Variants in CTNNA2 observed in about 807,000 individuals in gnomAD.
The protein encoded by CTNNA2 is catenin alpha 2.
In CTNNA2, 42 loss-of-function variants were observed where a neutral mutation model predicts 101.0. That is an observed-to-expected ratio of 0.42 (90% CI 0.32 to 0.54). CTNNA2 has a LOEUF of 0.54. Ranked by LOEUF, CTNNA2 falls within the 20% of genes least tolerant of loss-of-function variation. CTNNA2 has a pLI of 0.14. For synonymous variants in CTNNA2, 450 were observed against 456.4 expected, an observed-to-expected ratio of 0.99 and a Z score of 0.18; for missense variants, 871 against 1,223.1, an observed-to-expected ratio of 0.71 and a Z score of 4.29.
At position 79,367,798 on chromosome 2, in the gene CTNNA2, C is replaced by G. The variant is rs536759779; in HGVS notation, c.-317-6033C>G. On this transcript the variant is annotated intron_variant, in intron 3 of 21. Transcript: ENST00000466387. ...ATGAGTAACTGATATTAGGCAGTTT[C>G]TAAGGGCCAGATCCAGGGCTAAGCA... Among the ~76,000 whole-genome samples the G allele has an allele frequency of 2.4e-4, 36 of 152,286 alleles. 1 individual carries two copies. The highest frequency in any genetic ancestry group is 3.4e-3 in the Middle Eastern group (1 of 292).
chr2:79,793,387 G>T (rs1017613501), intron 3 of CTNNA2, among the ~76,000 whole-genome samples: 5 of 152,142 alleles, frequency 3.3e-5, no homozygotes, highest in African/African-American at 1.2e-4. Flanking sequence ...ATGCAGTGGG[G>T]CTGCACCCCA....
intron 3 of CTNNA2, among the ~76,000 whole-genome samples, chr2:79,762,444 T>A (rs553242927): frequency 5.2e-4 from 79 of 152,288 alleles, no homozygotes; most frequent in Non-Finnish European, 7.4e-4. Flanking sequence ...AAACAGATCA[T>A]GACATTGCGT....
At chr2:79,828,283 T>A (rs1302652512) in intron 3 of CTNNA2, among the ~76,000 whole-genome samples, 1 of 152,252 alleles carries the variant, frequency 6.6e-6, no homozygotes, top group Non-Finnish European at 1.5e-5. Flanking sequence ...ATGTCATATT[T>A]GCCAATAAAC....
At chr2:80,221,189 G>T (rs1021164322) in intron 7 of CTNNA2, among the ~76,000 whole-genome samples, 1 of 152,082 alleles carries the variant, frequency 6.6e-6, no homozygotes, top group Non-Finnish European at 1.5e-5. Context: ...AGCCCTTCCC[G>T]TTTTTATTAA....
At chr2:80,243,597 C>T (rs1321283066) in intron 7 of CTNNA2, among the ~76,000 whole-genome samples, 1 of 152,068 alleles carries the variant, frequency 6.6e-6, no homozygotes, top group Non-Finnish European at 1.5e-5. Context: ...CATCGTGTAT[C>T]GATGGTGATG....
intron 3 of CTNNA2, among the ~76,000 whole-genome samples, chr2:79,369,473 C>T (rs1243101071): frequency 6.6e-6 from 1 of 152,140 alleles, no homozygotes. Context: ...GGCACATGCA[C>T]ACGACTGTAG....
intron 7 of CTNNA2, among the ~76,000 whole-genome samples, chr2:80,352,531 G>A (rs553000166): frequency 3.3e-5 from 5 of 152,102 alleles, no homozygotes; most frequent in Non-Finnish European, 7.4e-5. Context: ...GTACTTTTAG[G>A]TAAATGTTTT....
At chr2:79,344,858 A>T (rs1377886177) in intron 3 of CTNNA2, among the ~76,000 whole-genome samples, 1 of 144,886 alleles carries the variant, frequency 6.9e-6, no homozygotes, top group Non-Finnish European at 1.5e-5. Flanking sequence ...TTATATATAT[A>T]ATATATTATA....
intron 5 of CTNNA2, among the ~76,000 whole-genome samples, chr2:79,871,341 G>T (rs1360332555): frequency 6.6e-6 from 1 of 152,138 alleles, no homozygotes; most frequent in Non-Finnish European, 1.5e-5. Flanking sequence ...TTTATCAGCA[G>T]AATTCCTTGT....
intron 9 of CTNNA2, among the ~76,000 whole-genome samples, chr2:80,443,846 A>T (rs1037724471): frequency 1.4e-4 from 22 of 152,226 alleles, no homozygotes; most frequent in Non-Finnish European, 3.2e-4. Context: ...AATCTCTGGG[A>T]CAGAAAAGAG....
chr2:79,822,626 C>T (rs2105385385), intron 3 of CTNNA2, among the ~76,000 whole-genome samples: 1 of 152,240 alleles, frequency 6.6e-6, no homozygotes, highest in Middle Eastern at 3.4e-3. Context: ...CCTTTTTCTA[C>T]CCTCAGCACC....
chr2:79,524,344 T>C (rs1672281692), intron 1 of CTNNA2, among the ~76,000 whole-genome samples: 1 of 152,002 alleles, frequency 6.6e-6, no homozygotes, highest in Non-Finnish European at 1.5e-5. Context: ...AAAGGGATTT[T>C]ATTCTTTAAT....
At chr2:80,538,213 G>A (rs887549431) in intron 9 of CTNNA2, among the ~76,000 whole-genome samples, 29 of 152,118 alleles carry the variant, frequency 1.9e-4, no homozygotes, top group African/African-American at 6.5e-4. Context: ...TTGTGCAGAA[G>A]CTCTTTAGTT....
chr2:79,940,412 T>A (rs907811026), intron 7 of CTNNA2, among the ~76,000 whole-genome samples: 1 of 152,230 alleles, frequency 6.6e-6, no homozygotes, highest in Non-Finnish European at 1.5e-5. Context: ...AAATACCGAT[T>A]TGATCTTTGG....
intron 2 of CTNNA2, among the ~76,000 whole-genome samples, chr2:79,655,134 T>C (rs13395022): frequency 0.23 from 35,110 of 152,086 alleles, 4,335 homozygotes; most frequent in East Asian, 0.45. Flanking sequence ...TTAGGAGATA[T>C]GTTGGAGTCA....
intron 11 of CTNNA2, 122 bp downstream of exon 11, chr2:80,546,185 T>C: frequency 8.2e-7 from 1 of 1,217,692 alleles, no homozygotes; most frequent in South Asian, 1.6e-5. Context: ...CTTTGAGCTT[T>C]TTTGATCATC....
chr2:80,574,139 C>G, intron 12 of CTNNA2, 24 bp from the exon 13 acceptor site: 1 of 1,602,638 alleles, frequency 6.2e-7, no homozygotes, highest in Non-Finnish European at 8.5e-7. Flanking sequence ...TTGCCTAATC[C>G]TCTGCTTTTT....
At chr2:79,857,945 A>C in intron 3 of CTNNA2, 68 bp from the exon 4 acceptor site, 1 of 1,491,794 alleles carries the variant, frequency 6.7e-7, no homozygotes, top group Non-Finnish European at 9.2e-7. Context: ...GTCCATTCAC[A>C]GATCTTTAGG....
chr2:80,376,371 A>T (rs1360538781), intron 7 of CTNNA2, among the ~76,000 whole-genome samples: 1 of 152,126 alleles, frequency 6.6e-6, no homozygotes, highest in Non-Finnish European at 1.5e-5. Context: ...ACCTTCATTA[A>T]GAAACTTTTG....
Sources: gnomAD v4.1 joint callset for allele counts (sites outside exome capture counted in the v4.1 genomes callset) on GRCh38, gnomAD v4.1.1 for gene constraint, MANE v1.5 for transcripts, NCBI Gene and HGNC (gene_info 2026-07-23, HGNC 2026-07-21) for gene names.